Variants in TRIO observed in about 807,000 individuals in gnomAD.
TRIO encodes the protein triple functional domain protein.
In TRIO, 58 loss-of-function variants were observed where a neutral mutation model predicts 351.9. The observed-to-expected ratio is 0.16, with a 90% CI of 0.13 to 0.21. The LOEUF (loss-of-function observed/expected upper bound fraction) is 0.21, where lower values mean the gene tolerates loss of function less well. Among genes scored for constraint, TRIO ranks in the 10% least tolerant of loss-of-function variants. TRIO has a pLI of 1.00. For missense variants in TRIO, 3,201 were observed against 4,027.8 expected (o/e 0.79, Z 5.56); for synonymous variants, 1,758 against 1,595.7 (o/e 1.10, Z -2.42).
chr5:14,359,600 C>A, intron 13 of TRIO, 69 bp downstream of exon 13: 1 of 1,554,914 alleles, frequency 6.4e-7, no homozygotes, highest in Non-Finnish European at 8.7e-7. Flanking sequence ...CACCGGCGCC[C>A]TCTTGTCTCT....
intron 2 of TRIO, among the ~76,000 whole-genome samples, chr5:14,274,452 T>C: frequency 6.6e-6 from 1 of 152,190 alleles, no homozygotes; most frequent in East Asian, 1.9e-4. Context: ...TAGGGAGTTT[T>C]ATTAGGAGAG....
chr5:14,206,729 T>C (rs1275164655), intron 1 of TRIO, among the ~76,000 whole-genome samples: 1 of 152,198 alleles, frequency 6.6e-6, no homozygotes, highest in African/African-American at 2.4e-5. Context: ...GTGTATAGTA[T>C]TTTACAGCCA....
intron 8 of TRIO, among the ~76,000 whole-genome samples, chr5:14,309,739 G>A (rs970659842): frequency 3.9e-5 from 6 of 152,218 alleles, no homozygotes; most frequent in Non-Finnish European, 7.3e-5. Context: ...CTAAGTGCTA[G>A]ACATTGAACT....
chr5:14,216,997 C>G (rs1792266420), intron 1 of TRIO, among the ~76,000 whole-genome samples: 1 of 152,202 alleles, frequency 6.6e-6, no homozygotes, highest in Admixed American at 6.5e-5. Context: ...AGGAGGCGTG[C>G]TGGGAACAGC....
At chr5:14,468,026 G>A (rs1213412758) in intron 37 of TRIO, among the ~76,000 whole-genome samples, 1 of 152,136 alleles carries the variant, frequency 6.6e-6, no homozygotes, top group Non-Finnish European at 1.5e-5. Flanking sequence ...CCAAATAGCC[G>A]AAATGGTTTC....
rs139010425 is a variant in TRIO, at chr5:14,276,713, C to T, written c.233-3609C>T. On this transcript the variant is annotated intron_variant, in intron 2 of 56. Coordinates refer to ENST00000344204, the MANE Select transcript of TRIO (RefSeq NM_007118.4). Reference sequence around the variant, plus strand: ...GGTTCGTTGAAATTTACATTTTACTCCTCAAAGCAAGCGTGGCTTTCTTGC... The same window carrying T: ...GGTTCGTTGAAATTTACATTTTACTTCTCAAAGCAAGCGTGGCTTTCTTGC... 5.9e-3 allele frequency among the ~76,000 whole-genome samples: 892 copies of T among 152,326 alleles called. 8 individuals are homozygous for T. Among genetic ancestry groups the T allele is most frequent in the African/African-American group, 0.02 (847 of 41,574 alleles).
At chr5:14,385,589 A>G (rs1219516208) in intron 21 of TRIO, among the ~76,000 whole-genome samples, 1 of 152,262 alleles carries the variant, frequency 6.6e-6, no homozygotes, top group Admixed American at 6.5e-5. Context: ...GTACATGCAC[A>G]TAAAATGTCT....
In TRIO at chr5:14,462,904, G is replaced by C; in HGVS notation, c.5646G>C (p.Gln1882His). 5.6e-6 allele frequency: 9 copies of C among 1,602,472 alleles called. No individual in the cohort carries two copies. Among genetic ancestry groups the C allele is most frequent in the Non-Finnish European group, 6.8e-6 (8 of 1,174,730 alleles). Reference protein sequence around the residue: ...PMAIQQHSLLQPDSQDDKASS... With the variant: ...PMAIQQHSLLHPDSQDDKASS... Reference sequence around the variant, plus strand: ...CCATCCAGCAGCACAGCCTCCTCCAGCCAGACTCACAGGATGACAAGGTAA... The same window carrying C: ...CCATCCAGCAGCACAGCCTCCTCCACCCAGACTCACAGGATGACAAGGTAA... Residue 1882 changes from glutamine to histidine, a missense_variant, in exon 36 of 57, where the codon CAG becomes CAC. Coordinates refer to ENST00000344204, the MANE Select transcript of TRIO (RefSeq NM_007118.4).
At chr5:14,323,632 G>A (rs1033434682) in intron 9 of TRIO, among the ~76,000 whole-genome samples, 7 of 152,224 alleles carry the variant, frequency 4.6e-5, no homozygotes, top group East Asian at 1.9e-4. Flanking sequence ...TTGCTTCGCC[G>A]CATGGCGATT....
chr5:14,283,640 G>T (rs1046195035), intron 3 of TRIO, among the ~76,000 whole-genome samples: 4 of 152,030 alleles, frequency 2.6e-5, no homozygotes, highest in Non-Finnish European at 4.4e-5. Context: ...AGATCACATT[G>T]TTTTCTTCTG....
At chr5:14,431,622 A>C (rs1054314336) in intron 34 of TRIO, among the ~76,000 whole-genome samples, 1 of 152,286 alleles carries the variant, frequency 6.6e-6, no homozygotes, top group Admixed American at 6.5e-5. Context: ...TGTGTTTCCT[A>C]CTGTCTCAAA....
chr5:14,490,926 G>C (rs987493436), intron 48 of TRIO: 1 of 449,450 alleles, frequency 2.2e-6, no homozygotes. Context: ...AAAGTATAAT[G>C]CATAAATGAG....
At position 14,419,972 on chromosome 5, in the gene TRIO, C is replaced by A; in HGVS notation, c.5154C>A (p.Ile1718=). The change falls in exon 34 of 57, where the codon ATC becomes ATA. Residue 1718 remains isoleucine (I), a synonymous_variant. Coordinates refer to ENST00000344204, the MANE Select transcript of TRIO (RefSeq NM_007118.4). ...TGGTCCCCTGTGGTTCACTGTGCAT[C>A]GCCCACTCCAGAAGTAGCATGGAAA... is the stretch of plus-strand genomic sequence containing the variant. The part of the protein sequence containing the change: ...EGLVPCGSLC[I]AHSRSSMEME... 6.2e-7 allele frequency: 1 copy of A among 1,614,228 alleles called. No homozygotes were observed. Among genetic ancestry groups the A allele is most frequent in the South Asian group, 1.1e-5 (1 of 91,078 alleles).
At chr5:14,259,883 C>T (rs1265780763) in intron 1 of TRIO, among the ~76,000 whole-genome samples, 1 of 151,826 alleles carries the variant, frequency 6.6e-6, no homozygotes, top group Non-Finnish European at 1.5e-5. Context: ...GGTCAATAAA[C>T]ATCTAAAGAG....
chr5:14,401,104 T>A, intron 31 of TRIO, 40 bp downstream of exon 31: 2 of 1,532,640 alleles, frequency 1.3e-6, no homozygotes, highest in Non-Finnish European at 1.8e-6. Flanking sequence ...GTTTGAAACA[T>A]TTACTGTGGC....
chr5:14,457,933 G>A (rs546760140), intron 34 of TRIO, among the ~76,000 whole-genome samples: 2 of 152,256 alleles, frequency 1.3e-5, no homozygotes, highest in East Asian at 3.9e-4. Flanking sequence ...ATGTCTGTGA[G>A]GTTGATTTAT....
intron 11 of TRIO, among the ~76,000 whole-genome samples, chr5:14,341,563 G>C (rs1262028504): frequency 3.3e-5 from 5 of 152,178 alleles, no homozygotes; most frequent in African/African-American, 1.2e-4. Context: ...ATTATTCTGA[G>C]ATTTAATGAT....
intron 34 of TRIO, chr5:14,420,396 C>G (rs1328338253): frequency 5.0e-6 from 1 of 199,754 alleles, no homozygotes; most frequent in Non-Finnish European, 1.0e-5. Context: ...TTAGTCATTC[C>G]AGGGAGCTAA....
intron 54 of TRIO, 111 bp from the exon 55 acceptor site, chr5:14,504,282 C>G: frequency 8.2e-7 from 1 of 1,216,298 alleles, no homozygotes; most frequent in Non-Finnish European, 1.2e-6. Flanking sequence ...AGAGCAGGGC[C>G]TCTGGACAGG....
Sources: gnomAD v4.1 joint callset for allele counts (sites outside exome capture counted in the v4.1 genomes callset) on GRCh38, gnomAD v4.1.1 for gene constraint, MANE v1.5 for transcripts, NCBI Gene and HGNC (gene_info 2026-07-23, HGNC 2026-07-21) for gene names.